The following ENTREP2 variants were observed in gnomAD, a reference collection of about 807,000 sequenced individuals.
ENTREP2 encodes protein ENTREP2.
chr15:29,284,973 A>T, the ENTREP2 span, among the ~76,000 whole-genome samples: 1 of 152,216 alleles, frequency 6.6e-6, no homozygotes, highest in African/African-American at 2.4e-5. Context: ...CCTAGCCCCA[A>T]TCTCAGCATA....
chr15:29,293,274 C>T, the ENTREP2 span, among the ~76,000 whole-genome samples: 46 of 151,590 alleles, frequency 3.0e-4, no homozygotes, highest in African/African-American at 1.1e-3. Context: ...TTTTTTGAGA[C>T]GGAGTCTCGC....
chr15:29,184,978 AG>A, the ENTREP2 span, among the ~76,000 whole-genome samples: 4 of 152,074 alleles, frequency 2.6e-5, no homozygotes, highest in South Asian at 8.3e-4. Flanking sequence ...CAGGAGGCTG[AG>A]GCAGGAGAAT....
At chr15:29,119,199 TCC>T in the ENTREP2 span, among the ~76,000 whole-genome samples, 1 of 152,196 alleles carries the variant, frequency 6.6e-6, no homozygotes, top group Admixed American at 6.5e-5. Flanking sequence ...AGAAAGCTGT[TCC>T]ATAGGAGACT....
the ENTREP2 span, among the ~76,000 whole-genome samples, chr15:29,132,631 C>G: frequency 2.0e-5 from 3 of 152,230 alleles, no homozygotes; most frequent in Admixed American, 1.3e-4. Flanking sequence ...AGAAGGGTGT[C>G]GCATTGGTTT....
chr15:29,144,851 C>A, the ENTREP2 span, among the ~76,000 whole-genome samples: 1 of 151,260 alleles, frequency 6.6e-6, no homozygotes, highest in Admixed American at 6.6e-5. Flanking sequence ...ACAAGCCTGC[C>A]CAACATGGTG....
the ENTREP2 span, chr15:29,118,184 A>ACTT: frequency 6.6e-6 from 1 of 152,630 alleles, no homozygotes; most frequent in Admixed American, 6.5e-5. Flanking sequence ...ATACACTGTG[A>ACTT]CTTAAGAAGC....
the ENTREP2 span, among the ~76,000 whole-genome samples, chr15:29,617,688 C>T: frequency 6.6e-6 from 1 of 152,246 alleles, no homozygotes; most frequent in Admixed American, 6.5e-5. Context: ...CCAAGCCCTA[C>T]TTGTCACCAA....
chr15:29,651,542 C>T, the ENTREP2 span, among the ~76,000 whole-genome samples: 16 of 152,192 alleles, frequency 1.1e-4, no homozygotes, highest in Admixed American at 3.9e-4. Flanking sequence ...AGGCGCAAGA[C>T]CCGGGCATCT....
At chr15:29,656,604 A>G in the ENTREP2 span, among the ~76,000 whole-genome samples, 1 of 152,210 alleles carries the variant, frequency 6.6e-6, no homozygotes, top group Admixed American at 6.5e-5. Flanking sequence ...GATGCTCAAC[A>G]TAATTTACCA....
At chr15:29,542,474 AT>A in the ENTREP2 span, among the ~76,000 whole-genome samples, 25 of 146,134 alleles carry the variant, frequency 1.7e-4, no homozygotes, top group Admixed American at 2.7e-4. Flanking sequence ...AATTTGTTGT[AT>A]TTTTTTTTTT....
At chr15:29,300,426 G>T in the ENTREP2 span, among the ~76,000 whole-genome samples, 1 of 149,248 alleles carries the variant, frequency 6.7e-6, no homozygotes, top group Non-Finnish European at 1.5e-5. Flanking sequence ...TGGATGGATG[G>T]ATGGATGAGT....
the ENTREP2 span, chr15:29,123,090 T>C: frequency 2.1e-6 from 1 of 484,396 alleles, no homozygotes; most frequent in East Asian, 3.1e-5. Context: ...ACTGTGGACG[T>C]GAAAGTCATC....
the ENTREP2 span, among the ~76,000 whole-genome samples, chr15:29,294,218 T>C: frequency 1.3e-5 from 2 of 152,156 alleles, no homozygotes; most frequent in Non-Finnish European, 2.9e-5. Flanking sequence ...GGAAAGCACA[T>C]TGACCAATCC....
the ENTREP2 span, among the ~76,000 whole-genome samples, chr15:29,488,739 A>C: frequency 6.6e-6 from 1 of 152,202 alleles, no homozygotes; most frequent in Admixed American, 6.5e-5. Flanking sequence ...CTCATCAGAG[A>C]CCAGGGGACC....
the ENTREP2 span, among the ~76,000 whole-genome samples, chr15:29,415,603 C>T: frequency 6.6e-6 from 1 of 152,072 alleles, no homozygotes; most frequent in Non-Finnish European, 1.5e-5. Context: ...ACAGGGATGC[C>T]CTCTCTCACC....
At chr15:29,424,139 A>G in the ENTREP2 span, among the ~76,000 whole-genome samples, 5 of 152,156 alleles carry the variant, frequency 3.3e-5, no homozygotes, top group African/African-American at 7.2e-5. Flanking sequence ...CAAACCCTCA[A>G]TGTGAGTTAT....
the ENTREP2 span, among the ~76,000 whole-genome samples, chr15:29,639,128 G>A: frequency 5.9e-5 from 9 of 152,166 alleles, no homozygotes; most frequent in Admixed American, 2.0e-4. Flanking sequence ...AATCTTTGTC[G>A]TGGAGGAGTA....
chr15:29,604,077 G>A, the ENTREP2 span, among the ~76,000 whole-genome samples: 8 of 151,982 alleles, frequency 5.3e-5, no homozygotes, highest in Non-Finnish European at 1.0e-4. Flanking sequence ...CGAGGGAAAC[G>A]GTCACTATCC....
the ENTREP2 span, among the ~76,000 whole-genome samples, chr15:29,519,326 C>A: frequency 1.3e-5 from 2 of 151,822 alleles, no homozygotes. Context: ...TTTTTTCCAT[C>A]AAAGTTACAC....
Sources: allele counts gnomAD v4.1 joint callset (sites outside exome capture counted in the v4.1 genomes callset), GRCh38; gene constraint gnomAD v4.1.1; transcripts MANE v1.5; gene names NCBI Gene and HGNC (gene_info 2026-07-23, HGNC 2026-07-21).